Variants in GRIK1 observed in about 807,000 individuals in gnomAD.
GRIK1 encodes glutamate receptor ionotropic, kainate 1.
A neutral mutation model predicts 105.7 loss-of-function variants in GRIK1; 69 were observed. The ratio of observed to expected loss-of-function variants is 0.65; its 90% CI spans 0.54 to 0.80. GRIK1 has a LOEUF of 0.80. Among genes scored for constraint, GRIK1 ranks in the 30% least tolerant of loss-of-function variants. The pLI, the probability that GRIK1 is intolerant of heterozygous loss-of-function variation, is 0.00. For synonymous variants in GRIK1, 438 were observed against 431.3 expected, an observed-to-expected ratio of 1.02 and a Z score of -0.19; for missense variants, 1,109 against 1,167.3, an observed-to-expected ratio of 0.95 and a Z score of 0.73.
chr21:29,860,265 G>C (rs1423250589), intron 1 of GRIK1, among the ~76,000 whole-genome samples: 1 of 152,202 alleles, frequency 6.6e-6, no homozygotes, highest in African/African-American at 2.4e-5. Flanking sequence ...GCTGCAGCTT[G>C]TGAGCCCTGG....
In GRIK1 at chr21:29,720,543, T is replaced by C. The variant is rs141011751; in HGVS notation, c.119-26480A>G. ...GCGTGTGTGTATATGTGTGTATGTA[T>C]ACATCTCAATGGCATATGGAGCTCA... is the stretch of plus-strand genomic sequence containing the variant. On this transcript the variant is annotated intron_variant, in intron 1 of 17. Transcript: ENST00000327783. 5.9e-5 allele frequency among the ~76,000 whole-genome samples: 9 copies of C among 152,154 alleles called. No individual in the cohort carries two copies. The East Asian group carries it at 1.5e-3, about 26-fold the overall frequency.
In GRIK1 at chr21:29,900,459, C is replaced by CAAAAAAAAAAAAAA. The variant is rs746842761; in HGVS notation, c.118+38923_118+38924insTTTTTTTTTTTTTT. 6.8e-4 allele frequency among the ~76,000 whole-genome samples: 53 copies of CAAAAAAAAAAAAAA among 78,266 alleles called. 2 individuals carry two copies. Among genetic ancestry groups the CAAAAAAAAAAAAAA allele is most frequent in the Middle Eastern group, 8.2e-3 (1 of 122 alleles). The allele number at this position is 78,266 out of a possible 152,430, so 51.3% of individuals were successfully genotyped here. ...GAAGATCTACCAAACAAATGGAAAG[C>CAAAAAAAAAAAAAA]AAGAAAAAAAAAAAAAAAAAGCAAG... On this transcript the variant is annotated intron_variant, in intron 1 of 17. Transcript: ENST00000327783.
intron 9 of GRIK1, 78 bp downstream of exon 9, chr21:29,596,448 T>A (rs1461058970): frequency 2.1e-6 from 2 of 938,912 alleles, no homozygotes; most frequent in East Asian, 4.8e-5. Context: ...TCTGGTAACA[T>A]TGGAAGGGCA....
intron 1 of GRIK1, among the ~76,000 whole-genome samples, chr21:29,714,054 G>A (rs2064119739): frequency 6.6e-6 from 1 of 152,128 alleles, no homozygotes; most frequent in Non-Finnish European, 1.5e-5. Context: ...GAGAAGCAGT[G>A]GGGAAATAGC....
At chr21:29,791,831 G>A (rs1292439939) in intron 1 of GRIK1, among the ~76,000 whole-genome samples, 2 of 152,176 alleles carry the variant, frequency 1.3e-5, no homozygotes, top group Non-Finnish European at 2.9e-5. Context: ...ATTTTAAGCA[G>A]AAAACTCTTA....
rs1280803924 is a variant in GRIK1 at position 29,615,093 on chromosome 21, C to T, written c.1099-16156G>A. ...GTCAATTCAAATGTCACCTCCTCTC[C>T]GAAGCTGTTCCGAACCCTTTTGGAT... On this transcript the variant is annotated intron_variant, in intron 7 of 17. Transcript: ENST00000327783. Among the ~76,000 whole-genome samples the T allele has an allele frequency of 4.0e-5, 6 of 151,622 alleles. 1 individual carries two copies. Among genetic ancestry groups the T allele is most frequent in the African/African-American group, 9.8e-5 (4 of 40,920 alleles).
At chr21:29,754,371 A>G (rs770066768) in intron 1 of GRIK1, among the ~76,000 whole-genome samples, 6 of 152,236 alleles carry the variant, frequency 3.9e-5, no homozygotes, top group Non-Finnish European at 7.3e-5. Context: ...GATCAAGAAT[A>G]TGGAAGGAAA....
rs1390347568 is a variant in GRIK1, at chr21:29,555,300, A to G, written c.2359T>C (p.Ser787Pro). Residue 787 changes from serine (S) to proline (P), a missense_variant and splice_region_variant, in exon 16 of 18, where the codon TCT (serine) becomes CCT (proline). Transcript: ENST00000327783. ...ATAGTAATTTTATCCCGGTAAGGAGAACCTGGAAGTAAAACCATCTGGATA... is the reference window on the plus strand; with the variant it reads ...ATAGTAATTTTATCCCGGTAAGGAGGACCTGGAAGTAAAACCATCTGGATA... The part of the protein sequence containing the change: ...KGYGVGTPIG[S>P]PYRDKITIAI... 1 of 1,612,412 alleles carries G rather than the reference A, an allele frequency of 6.2e-7. No homozygotes were observed. The highest frequency in any genetic ancestry group is 1.7e-5 in the Admixed American group (1 of 59,990).
chr21:29,755,963 G>A (rs1443874787), intron 1 of GRIK1, among the ~76,000 whole-genome samples: 1 of 152,182 alleles, frequency 6.6e-6, no homozygotes, highest in Non-Finnish European at 1.5e-5. Flanking sequence ...TGTGATTGAG[G>A]CCATGGTTAT....
intron 1 of GRIK1, among the ~76,000 whole-genome samples, chr21:29,853,427 A>G (rs2068367971): frequency 6.6e-6 from 1 of 152,226 alleles, no homozygotes; most frequent in South Asian, 2.1e-4. Context: ...TTTTGAATTC[A>G]AAAGTCAATT....
intron 1 of GRIK1, among the ~76,000 whole-genome samples, chr21:29,934,723 A>G (rs1424692804): frequency 6.6e-6 from 1 of 152,198 alleles, no homozygotes; most frequent in African/African-American, 2.4e-5. Context: ...TATTTCTACC[A>G]GTAATAACTG....
intron 1 of GRIK1, among the ~76,000 whole-genome samples, chr21:29,804,774 A>G (rs892916247): frequency 9.9e-5 from 15 of 152,198 alleles, no homozygotes; most frequent in African/African-American, 3.6e-4. Flanking sequence ...GTGTGTAAAA[A>G]GAAAGGTATC....
At chr21:29,640,081 T>C (rs2062479917) in intron 7 of GRIK1, among the ~76,000 whole-genome samples, 1 of 151,840 alleles carries the variant, frequency 6.6e-6, no homozygotes, top group African/African-American at 2.4e-5. Flanking sequence ...ACCCCATAAA[T>C]TCAATCTGCT....
At chr21:29,571,540 G>A (rs1362669441) in intron 14 of GRIK1, among the ~76,000 whole-genome samples, 2 of 152,106 alleles carry the variant, frequency 1.3e-5, no homozygotes, top group African/African-American at 4.8e-5. Context: ...GCCAAGTCTA[G>A]GAGAAAAAGT....
chr21:29,712,083 T>TACACACACACACACACACAC (rs56017389), intron 1 of GRIK1, among the ~76,000 whole-genome samples: 19 of 135,302 alleles, frequency 1.4e-4, no homozygotes, highest in African/African-American at 2.4e-4. Flanking sequence ...TATACATACA[T>TACACACACACACACACACAC]ACACACACAC....
chr21:29,851,654 A>G (rs1016005985), intron 1 of GRIK1, among the ~76,000 whole-genome samples: 1 of 152,072 alleles, frequency 6.6e-6, no homozygotes, highest in Non-Finnish European at 1.5e-5. Context: ...CTAATAACTA[A>G]CTTCATGAGC....
intron 1 of GRIK1, among the ~76,000 whole-genome samples, chr21:29,752,070 G>A (rs2065219412): frequency 6.6e-6 from 1 of 152,198 alleles, no homozygotes; most frequent in South Asian, 2.1e-4. Flanking sequence ...TCTAGAGCTA[G>A]GGCTCTTCTG....
At position 29,695,470 on chromosome 21, in the gene GRIK1, ATCTATC is replaced by A. The variant is rs989558127; in HGVS notation, c.119-1413_119-1408del. Among the ~76,000 whole-genome samples the A allele has an allele frequency of 7.8e-3, 1,145 of 146,200 alleles. 13 individuals are homozygous for A. Among genetic ancestry groups the A allele is most frequent in the Non-Finnish European group, 0.01 (701 of 66,818 alleles). ...TATCTATCTATCTATCTATCTATCT[ATCTATC>A]TATATATATATATTTTGAGATGGAG... On this transcript the variant is annotated intron_variant, in intron 1 of 17. Coordinates refer to ENST00000327783, the MANE Select transcript of GRIK1 (RefSeq NM_001330994.2).
rs760348698 is a variant in GRIK1 at position 29,591,174 on chromosome 21, C to T, written c.1303G>A (p.Asp435Asn). ...GAATCAGTGATATTGCTGGACTTGT[C>T]TTTGTTGCTGTCCGTCATGTTAAGC... Reference protein sequence around the residue: ...SGLNMTDSNKDKSSNITDSLA... With the variant: ...SGLNMTDSNKNKSSNITDSLA... The change falls in exon 10 of 18, where the codon GAC (aspartate) becomes AAC (asparagine). Residue 435 changes from aspartate to asparagine, a missense_variant. Transcript: ENST00000327783. 1 of 1,612,194 alleles carries T rather than the reference C, an allele frequency of 6.2e-7. No homozygotes were observed.
Sources: allele counts gnomAD v4.1 joint callset (sites outside exome capture counted in the v4.1 genomes callset), GRCh38; gene constraint gnomAD v4.1.1; transcripts MANE v1.5; gene names NCBI Gene and HGNC (gene_info 2026-07-23, HGNC 2026-07-21).